ANK2: variants seen among roughly 807,000 people sequenced by gnomAD.
ANK2 encodes ankyrin-2.
Under a neutral mutation model 360.5 loss-of-function variants are expected in ANK2, and 83 were observed. The ratio of observed to expected loss-of-function variants is 0.23; its 90% CI spans 0.19 to 0.28. ANK2 has a LOEUF of 0.28. Ranked by LOEUF, ANK2 falls within the 10% of genes least tolerant of loss-of-function variation. ANK2 has a pLI of 1.00. For synonymous variants in ANK2, 1,740 were observed against 1,759.5 expected, an observed-to-expected ratio of 0.99 and a Z score of 0.28; for missense variants, 4,201 against 4,795.7, an observed-to-expected ratio of 0.88 and a Z score of 3.66.
At chr4:112,784,190 A>G in the ANK2 span, among the ~76,000 whole-genome samples, 1 of 151,748 alleles carries the variant, frequency 6.6e-6, no homozygotes, top group Admixed American at 6.6e-5. Flanking sequence ...CCTATAAACA[A>G]TGGCAGTTAA....
chr4:113,106,120 C>G (rs1373642296), intron 1 of ANK2, among the ~76,000 whole-genome samples: 1 of 152,128 alleles, frequency 6.6e-6, no homozygotes, highest in Non-Finnish European at 1.5e-5. Context: ...AGGACATTGT[C>G]TTCTTCTCTT....
chr4:113,115,616 G>A (rs2094687277), intron 1 of ANK2, among the ~76,000 whole-genome samples: 2 of 152,076 alleles, frequency 1.3e-5, no homozygotes, highest in African/African-American at 4.8e-5. Flanking sequence ...TAGGTAAAAG[G>A]AAAAATGATA....
intron 28 of ANK2, 182 bp from the exon 29 acceptor site, chr4:113,332,872 G>A (rs934059301): frequency 1.4e-6 from 1 of 727,690 alleles, no homozygotes; most frequent in Non-Finnish European, 2.3e-6. Flanking sequence ...GAGGATTGGT[G>A]CCCCTGAGGT....
At chr4:112,973,602 C>G (rs972734131) in intron 2 of ANK2, among the ~76,000 whole-genome samples, 7 of 152,194 alleles carry the variant, frequency 4.6e-5, no homozygotes, top group African/African-American at 1.7e-4. Flanking sequence ...TATCCTCTGC[C>G]TTCCTTCCCA....
chr4:112,876,822 C>T (rs1375790976), intron 1 of ANK2, among the ~76,000 whole-genome samples: 2 of 152,158 alleles, frequency 1.3e-5, no homozygotes, highest in Non-Finnish European at 2.9e-5. Context: ...TTTTCCTGTG[C>T]ACATCAGATA....
At chr4:113,142,718 C>T (rs570415139) in intron 1 of ANK2, among the ~76,000 whole-genome samples, 2 of 151,696 alleles carry the variant, frequency 1.3e-5, no homozygotes, top group South Asian at 2.1e-4. Flanking sequence ...ATGATTTCCC[C>T]GAGATGAAGA....
chr4:113,045,778 T>G (rs146687197), upstream of ANK2, among the ~76,000 whole-genome samples: 693 of 152,294 alleles, frequency 4.6e-3, 5 homozygotes, highest in Non-Finnish European at 6.4e-3. Context: ...CAAATATCTG[T>G]AAAAATCTTA....
chr4:113,112,614 T>C (rs942242609), intron 1 of ANK2, among the ~76,000 whole-genome samples: 2 of 152,178 alleles, frequency 1.3e-5, no homozygotes, highest in African/African-American at 4.8e-5. Context: ...ACCTACACTT[T>C]CTGCAGCTCT....
chr4:113,178,071 C>T (rs976220707), intron 2 of ANK2, among the ~76,000 whole-genome samples: 1 of 152,070 alleles, frequency 6.6e-6, no homozygotes, highest in Non-Finnish European at 1.5e-5. Context: ...CTTCAATTCC[C>T]TGACTCGCCA....
chr4:112,721,588 C>G, the ANK2 span, among the ~76,000 whole-genome samples: 1 of 139,848 alleles, frequency 7.2e-6, no homozygotes, highest in Non-Finnish European at 1.5e-5. Flanking sequence ...ACCCTGAAGA[C>G]TTAGGCACTG....
At chr4:112,991,233 C>T (rs2046652804) in intron 2 of ANK2, among the ~76,000 whole-genome samples, 1 of 75,392 alleles carries the variant, frequency 1.3e-5, no homozygotes, top group Non-Finnish European at 2.5e-5. Context: ...GGTGACAGAG[C>T]CTCAAAAAAA....
intron 2 of ANK2, among the ~76,000 whole-genome samples, chr4:112,958,519 G>C (rs895202785): frequency 2.3e-4 from 35 of 152,182 alleles, no homozygotes; most frequent in African/African-American, 8.0e-4. Flanking sequence ...AGGCAGGGAG[G>C]CTGCAGCGAG....
In ANK2 at chr4:113,354,513, T is replaced by G; in HGVS notation, c.5895T>G (p.Pro1965=). 1 of 1,614,084 alleles carries G rather than the reference T, an allele frequency of 6.2e-7. No individual in the cohort carries two copies. ...CTGAGAAGCACCTGCCTGTGTCACC[T>G]TCTGGCAAAACAGAAAAGCAACCAC... ...GKTEKHLPVS[P]SGKTEKQPPV... is the part of the protein sequence containing the mutation. Residue 1965 remains proline (P), a synonymous_variant, in exon 38 of 46, where the codon CCT becomes CCG. Transcript: ENST00000357077.
In ANK2 at chr4:113,255,925, G is replaced by C. The variant is rs756908197; in HGVS notation, c.1181G>C (p.Arg394Thr). ...LLDKRANPNA[R>T]ALNGFTPLHI... ...GACAAGAGAGCCAATCCGAACGCCAGAGCCCTGGTAAACTTGGCCCAGTCC... is the reference window on the plus strand; with the variant it reads ...GACAAGAGAGCCAATCCGAACGCCACAGCCCTGGTAAACTTGGCCCAGTCC... Residue 394 changes from arginine (R) to threonine (T), a missense_variant, in exon 11 of 46, where the codon AGA becomes ACA. This residue lies in a region of ANK2 where 1,268 missense variants were observed against 1,650.8 expected (regional missense o/e 0.77). Coordinates refer to ENST00000357077, the MANE Select transcript of ANK2 (RefSeq NM_001148.6). The C allele has an allele frequency of 2.5e-6, 4 of 1,614,142 alleles. No homozygotes were observed. The highest frequency in any genetic ancestry group is 3.3e-5 in the Admixed American group (2 of 60,026).
At chr4:113,203,943 A>T (rs2098899663) in intron 4 of ANK2, among the ~76,000 whole-genome samples, 1 of 152,178 alleles carries the variant, frequency 6.6e-6, no homozygotes, top group Admixed American at 6.5e-5. Flanking sequence ...TCCATGTAAA[A>T]GGTTTAAGAT....
chr4:113,130,151 C>A (rs942009632), intron 1 of ANK2, among the ~76,000 whole-genome samples: 4 of 152,088 alleles, frequency 2.6e-5, no homozygotes, highest in Non-Finnish European at 4.4e-5. Flanking sequence ...CTAACTTTGT[C>A]TTTTATTTAT....
At chr4:113,012,895 C>T (rs762808855) in intron 2 of ANK2, among the ~76,000 whole-genome samples, 14 of 152,124 alleles carry the variant, frequency 9.2e-5, no homozygotes, top group African/African-American at 3.4e-4. Context: ...TCCATAGATG[C>T]CTATCACTGA....
chr4:113,209,548 C>T (rs984631159), intron 4 of ANK2, among the ~76,000 whole-genome samples: 1 of 151,964 alleles, frequency 6.6e-6, no homozygotes, highest in Non-Finnish European at 1.5e-5. Context: ...GATATCCACA[C>T]CAAGGTTTTC....
chr4:113,208,156 A>AGGATTCTGTTTT (rs2098976614), intron 4 of ANK2, among the ~76,000 whole-genome samples: 1 of 151,704 alleles, frequency 6.6e-6, no homozygotes, highest in Non-Finnish European at 1.5e-5. Context: ...GAACAAGCTC[A>AGGATTCTGTTTT]GGATTCTGTT....
Sources: allele counts gnomAD v4.1 joint callset (sites outside exome capture counted in the v4.1 genomes callset), GRCh38; gene constraint gnomAD v4.1.1; regional missense constraint gnomAD v4.1.1; transcripts MANE v1.5; gene names NCBI Gene and HGNC (gene_info 2026-07-23, HGNC 2026-07-21).